The following FBXO31 variants were observed in gnomAD, a reference collection of about 807,000 sequenced individuals.
The protein encoded by FBXO31 is F-box only protein 31.
Under a neutral mutation model 54.4 loss-of-function variants are expected in FBXO31, and 24 were observed. The ratio of observed to expected loss-of-function variants is 0.44; its 90% CI spans 0.32 to 0.62. FBXO31 has a LOEUF of 0.62. Ranked by LOEUF, FBXO31 falls within the 20% of genes least tolerant of loss-of-function variation. The pLI is 0.05. For missense variants in FBXO31, 665 were observed against 787.1 expected (o/e 0.84, Z 1.86); for synonymous variants, 388 against 335.6 (o/e 1.16, Z -1.71).
intron 2 of FBXO31, among the ~76,000 whole-genome samples, chr16:87,348,952 G>A (rs1905519695): frequency 6.6e-6 from 1 of 152,242 alleles, no homozygotes; most frequent in Non-Finnish European, 1.5e-5. Flanking sequence ...AGGAGGAGCA[G>A]CAGACCAAGC....
chr16:87,343,503 CAGGTCTGCAGCT>C, intron 4 of FBXO31, 83 bp downstream of exon 4: 1 of 1,445,292 alleles, frequency 6.9e-7, no homozygotes, highest in Non-Finnish European at 9.3e-7. Flanking sequence ...TGCTACAGCC[CAGGTCTGCAGCT>C]GAGAATAGCA....
At chr16:87,389,955 C>T (rs1017177909), upstream of FBXO31, 1 of 152,196 alleles carries the variant, frequency 6.6e-6, no homozygotes, top group South Asian at 2.1e-4. Context: ...CAGAAAGTGC[C>T]ACCTGCACAA....
At chr16:87,366,205 C>T (rs1906362626) in intron 1 of FBXO31, among the ~76,000 whole-genome samples, 1 of 152,142 alleles carries the variant, frequency 6.6e-6, no homozygotes, top group Non-Finnish European at 1.5e-5. Flanking sequence ...GAACCAAGTG[C>T]AGGCGTGGTT....
Position 87,327,048 on chromosome 16 carries a change from CG to C in FBXO31, c.*4239del, listed in dbSNP as rs1904669323. Reference sequence around the variant, plus strand: ...GAAACAAGTGCACGGGTGCAGGTGGCGGCTGCCAGGATTGCTCCGGTCCTAC... The same window carrying C: ...GAAACAAGTGCACGGGTGCAGGTGGCGCTGCCAGGATTGCTCCGGTCCTAC... On this transcript the variant is annotated 3_prime_UTR_variant, in exon 9 of 9. Transcript: ENST00000311635. The C allele has an allele frequency of 1.3e-5, 2 of 152,308 alleles. No homozygotes were observed. The highest frequency in any genetic ancestry group is 4.8e-5 in the African/African-American group (2 of 41,464). 9.4% of individuals were successfully genotyped at this position (152,308 alleles called of 1,614,324 possible).
upstream of FBXO31, among the ~76,000 whole-genome samples, chr16:87,386,771 C>A (rs750958): frequency 6.6e-6 from 1 of 152,150 alleles, no homozygotes; most frequent in African/African-American, 2.4e-5. Context: ...GTAACTAGTA[C>A]ATCAGACTTA....
intron 4 of FBXO31, among the ~76,000 whole-genome samples, chr16:87,343,344 A>C (rs775395949): frequency 4.6e-5 from 7 of 152,278 alleles, no homozygotes; most frequent in Non-Finnish European, 1.0e-4. Context: ...AAAAAGACAG[A>C]GGAACTGAAG....
In FBXO31 at chr16:87,338,363, G is replaced by A. The variant is rs1038949077; in HGVS notation, c.733-2099C>T. Among the ~76,000 whole-genome samples, 8 of 152,138 alleles carry A rather than the reference G, an allele frequency of 5.3e-5. No individual in the cohort carries two copies. Among genetic ancestry groups the A allele is most frequent in the African/African-American group, 1.9e-4 (8 of 41,432 alleles). On this transcript the variant is annotated intron_variant, in intron 5 of 8. Transcript: ENST00000311635. This position sits in a 1 kb window ranked among gnomAD's most constrained non-coding sequence, Gnocchi z 4.3. ...GCAGCGCCGGCAGAGGGGGCTGAGG[G>A]TGACAAGGATGCCTGCTGGCTGCTT...
At chr16:87,348,756 C>T (rs918122534) in intron 2 of FBXO31, among the ~76,000 whole-genome samples, 1 of 152,194 alleles carries the variant, frequency 6.6e-6, no homozygotes, top group Admixed American at 6.5e-5. Flanking sequence ...GAGAGGGCGG[C>T]CTGCACTCAC....
intron 2 of FBXO31, among the ~76,000 whole-genome samples, chr16:87,352,384 CT>C (rs750463256): frequency 8.5e-5 from 13 of 152,132 alleles, no homozygotes; most frequent in Non-Finnish European, 5.9e-5. Context: ...GTTTTAACAT[CT>C]GGTAGTAGAT....
chr16:87,339,443 C>A (rs891754699), intron 5 of FBXO31, among the ~76,000 whole-genome samples: 2 of 152,206 alleles, frequency 1.3e-5, no homozygotes, highest in South Asian at 2.1e-4. Context: ...TCAAGATGAA[C>A]GAAGTGACTG....
chr16:87,377,792 A>G (rs1906888112), intron 1 of FBXO31, among the ~76,000 whole-genome samples: 1 of 151,548 alleles, frequency 6.6e-6, no homozygotes, highest in Non-Finnish European at 1.5e-5. Context: ...CTGCACCACT[A>G]CACTCTAGCC....
intron 1 of FBXO31, among the ~76,000 whole-genome samples, chr16:87,368,657 A>T (rs1490449936): frequency 6.6e-6 from 1 of 151,274 alleles, no homozygotes; most frequent in Non-Finnish European, 1.5e-5. Flanking sequence ...TATAAGAGGA[A>T]GTGTGCTGGG....
At chr16:87,355,364 C>T (rs1905846512) in intron 2 of FBXO31, among the ~76,000 whole-genome samples, 1 of 152,182 alleles carries the variant, frequency 6.6e-6, no homozygotes, top group South Asian at 2.1e-4. Flanking sequence ...TGTGAGAGAA[C>T]AAATTTTGAG....
At chr16:87,390,689 C>G (rs965220292), upstream of FBXO31, among the ~76,000 whole-genome samples, 2 of 152,116 alleles carry the variant, frequency 1.3e-5, no homozygotes, top group African/African-American at 2.4e-5. Context: ...ATCCTCCTGC[C>G]TTGACCTCCC....
chr16:87,365,209 G>A (rs980149140), intron 1 of FBXO31, among the ~76,000 whole-genome samples: 2 of 150,786 alleles, frequency 1.3e-5, no homozygotes. Context: ...AAGGGGTCAG[G>A]ACTTCTGCTG....
At chr16:87,390,994 A>G (rs1002199712), upstream of FBXO31, among the ~76,000 whole-genome samples, 26 of 143,922 alleles carry the variant, frequency 1.8e-4, no homozygotes, top group Middle Eastern at 3.6e-3. Context: ...GGCTTTTACA[A>G]AGTCAAAAGG....
Position 87,335,595 on chromosome 16 carries a change from G to A in FBXO31, c.843-138C>T, listed in dbSNP as rs967801974. 1.9e-6 allele frequency: 2 copies of A among 1,032,816 alleles called. No individual in the cohort carries two copies. The highest frequency in any genetic ancestry group is 2.6e-5 in the East Asian group (1 of 38,060). 64.0% of individuals were successfully genotyped at this position (1,032,816 alleles called of 1,614,324 possible). A position where few individuals can be genotyped will look rare whatever the true frequency, so the allele number is the denominator to read the frequency against. On this transcript the variant is annotated intron_variant, in intron 6 of 8. Coordinates refer to ENST00000311635, the MANE Select transcript of FBXO31 (RefSeq NM_024735.5). The surrounding 1 kb of genome is among the most constrained non-coding windows in gnomAD (Gnocchi z 5.7). ...TCAACCAGGGCCAGGTGTCCACCAG[G>A]CCTGTGGGCAGCAATGCGCCCAGGG...
intron 2 of FBXO31, among the ~76,000 whole-genome samples, chr16:87,348,260 C>T (rs569287442): frequency 6.6e-6 from 1 of 152,328 alleles, no homozygotes; most frequent in South Asian, 2.1e-4. Context: ...CCTCAGCCTC[C>T]CAGGTCAGCC....
At chr16:87,378,981 A>C (rs1906952995) in intron 1 of FBXO31, among the ~76,000 whole-genome samples, 2 of 151,978 alleles carry the variant, frequency 1.3e-5, no homozygotes, top group Non-Finnish European at 2.9e-5. Context: ...AAAAAACAAA[A>C]TATATAGATA....
Sources: gnomAD v4.1 joint callset for allele counts (sites outside exome capture counted in the v4.1 genomes callset) on GRCh38, gnomAD v4.1.1 for gene constraint, Gnocchi (gnomAD v3.1) non-coding constraint, MANE v1.5 for transcripts, NCBI Gene and HGNC (gene_info 2026-07-23, HGNC 2026-07-21) for gene names.